ITPR1: variants seen among roughly 807,000 people sequenced by gnomAD.
ITPR1 encodes the protein inositol 1,4,5-trisphosphate receptor type 1.
Under a neutral mutation model 318.4 loss-of-function variants are expected in ITPR1, and 96 were observed. The observed-to-expected ratio is 0.30, with a 90% CI of 0.26 to 0.36. The LOEUF is 0.36. Ranked by LOEUF, ITPR1 falls within the 10% of genes least tolerant of loss-of-function variation. The pLI, the probability that ITPR1 is intolerant of heterozygous loss-of-function variation, is 1.00. For synonymous variants in ITPR1, 1,312 were observed against 1,289.9 expected (o/e 1.02, Z -0.37); for missense variants, 2,440 against 3,460.2 (o/e 0.71, Z 7.40).
At chr3:4,671,728 A>C (rs554838090) in intron 20 of ITPR1, 3 of 152,234 alleles carry the variant, frequency 2.0e-5, no homozygotes, top group African/African-American at 7.2e-5. Flanking sequence ...GAAAGGGAAG[A>C]TAAAGCAAGG....
intron 4 of ITPR1, among the ~76,000 whole-genome samples, chr3:4,550,556 A>G (rs2085465614): frequency 6.6e-6 from 1 of 152,228 alleles, no homozygotes; most frequent in African/African-American, 2.4e-5. Context: ...TAATTAGGCC[A>G]GTTATCTCCA....
At chr3:4,621,241 C>T (rs2092619172) in intron 4 of ITPR1, among the ~76,000 whole-genome samples, 1 of 152,130 alleles carries the variant, frequency 6.6e-6, no homozygotes, top group Non-Finnish European at 1.5e-5. Context: ...CTGGCATCTG[C>T]TTGGCTTCTA....
At chr3:4,708,635 C>T (rs1355241840) in intron 37 of ITPR1, among the ~76,000 whole-genome samples, 5 of 152,208 alleles carry the variant, frequency 3.3e-5, no homozygotes, top group South Asian at 4.1e-4. Context: ...ATCAAACATG[C>T]TGGTTTCTTG....
chr3:4,639,363 A>G (rs776511701), intron 5 of ITPR1, 21 bp from the exon 6 acceptor site: 5 of 1,538,944 alleles, frequency 3.2e-6, no homozygotes, highest in African/African-American at 2.7e-5. Context: ...TTTGTGATCA[A>G]TCTTTCTTCT....
At chr3:4,845,702 T>C (rs2051717003) in intron 61 of ITPR1, among the ~76,000 whole-genome samples, 1 of 152,056 alleles carries the variant, frequency 6.6e-6, no homozygotes, top group African/African-American at 2.4e-5. Context: ...AAGAGAAAAA[T>C]CAGGACCCAC....
intron 4 of ITPR1, among the ~76,000 whole-genome samples, chr3:4,549,907 C>A (rs1033947704): frequency 6.6e-6 from 1 of 152,142 alleles, no homozygotes; most frequent in Non-Finnish European, 1.5e-5. Context: ...AAGAAAAGGA[C>A]GTGGATATGT....
chr3:4,630,760 G>A (rs1040719523), intron 5 of ITPR1, among the ~76,000 whole-genome samples: 2 of 151,658 alleles, frequency 1.3e-5, no homozygotes, highest in African/African-American at 4.8e-5. Flanking sequence ...TAATTTTTTT[G>A]TAGTTTTAGT....
At chr3:4,531,314 A>G (rs959621641) in intron 4 of ITPR1, among the ~76,000 whole-genome samples, 1 of 152,188 alleles carries the variant, frequency 6.6e-6, no homozygotes, top group Non-Finnish European at 1.5e-5. Flanking sequence ...TCCATTCGAT[A>G]TTGAATGATG....
At chr3:4,629,606 C>A (rs1022177473) in intron 5 of ITPR1, among the ~76,000 whole-genome samples, 10 of 152,154 alleles carry the variant, frequency 6.6e-5, no homozygotes, top group African/African-American at 2.4e-4. Context: ...GAAATAATTA[C>A]TGAATAATGA....
intron 54 of ITPR1, among the ~76,000 whole-genome samples, chr3:4,804,097 C>CCTGGATTG (rs1226611133): frequency 2.6e-5 from 4 of 152,230 alleles, no homozygotes; most frequent in African/African-American, 9.6e-5. Flanking sequence ...GTCGCGAACT[C>CCTGGATTG]CTGAGCTCAG....
intron 41 of ITPR1, among the ~76,000 whole-genome samples, chr3:4,726,266 G>A (rs1444927064): frequency 1.3e-5 from 2 of 151,708 alleles, no homozygotes; most frequent in Non-Finnish European, 2.9e-5. Context: ...CTGACCTCAG[G>A]TGATCCACCC....
chr3:4,818,347 C>T (rs1391424929), intron 60 of ITPR1, 105 bp downstream of exon 60: 1 of 881,818 alleles, frequency 1.1e-6, no homozygotes, highest in African/African-American at 1.7e-5. Flanking sequence ...AGAATAACAT[C>T]CGATGTTGCC....
chr3:4,684,138 G>A (rs1468139387), intron 28 of ITPR1, 143 bp from the exon 29 acceptor site: 1 of 656,416 alleles, frequency 1.5e-6, no homozygotes, highest in African/African-American at 1.8e-5. Context: ...CAAGTAGGTA[G>A]ATGACTGGGG....
intron 10 of ITPR1, 87 bp downstream of exon 10, chr3:4,645,815 C>A: frequency 8.4e-7 from 1 of 1,193,598 alleles, no homozygotes; most frequent in Non-Finnish European, 1.2e-6. Context: ...TACAAATATT[C>A]ATACATACAT....
intron 13 of ITPR1, among the ~76,000 whole-genome samples, chr3:4,659,836 A>G (rs148424429): frequency 0.018 from 2,791 of 152,250 alleles, 77 homozygotes; most frequent in African/African-American, 0.062. Context: ...AGGTATTCAT[A>G]TGTAATATGT....
intron 42 of ITPR1, among the ~76,000 whole-genome samples, chr3:4,731,187 A>G (rs1480193780): frequency 2.0e-5 from 3 of 152,210 alleles, no homozygotes; most frequent in African/African-American, 4.8e-5. Context: ...TACTTCTCTT[A>G]TGAAGTCAGC....
chr3:4,645,426 C>A lies in ITPR1; in HGVS notation c.664C>A (p.Leu222Ile), dbSNP rs2093431758. Residue 222 changes from leucine (L) to isoleucine (I), a missense_variant, in exon 9 of 62, where the codon CTT (leucine) becomes ATT (isoleucine). Physicochemically the swap from Leu to Ile is conservative, Grantham distance 5 (BLOSUM62 2). Around this residue, in one of 23 missense-constraint regions of ITPR1, gnomAD observed 186 missense variants for 323.9 expected, o/e 0.57. Transcript: ENST00000649015. The part of the protein sequence containing the change: ...VNCNTSWKIV[L>I]FMKWSDNKDD... The stretch of plus-strand genomic sequence containing the variant: ...CTGCAATACAAGCTGGAAAATAGTC[C>A]TTTTCATGAAATGGAGTGATAACAA... The A allele has an allele frequency of 6.2e-7, 1 of 1,613,510 alleles. No individual in the cohort carries two copies. Among genetic ancestry groups the A allele is most frequent in the African/African-American group, 1.3e-5 (1 of 74,998 alleles).
intron 4 of ITPR1, among the ~76,000 whole-genome samples, chr3:4,599,917 T>C (rs1054080554): frequency 1.3e-5 from 2 of 152,186 alleles, no homozygotes; most frequent in Admixed American, 6.5e-5. Flanking sequence ...CACCACAGGA[T>C]AATGAAGATC....
At chr3:4,792,156 C>T (rs2047599541) in intron 52 of ITPR1, among the ~76,000 whole-genome samples, 1 of 152,144 alleles carries the variant, frequency 6.6e-6, no homozygotes, top group East Asian at 1.9e-4. Flanking sequence ...TTCCCTCTCT[C>T]ACTCTCTCAC....
Sources: gnomAD v4.1 joint callset for allele counts (sites outside exome capture counted in the v4.1 genomes callset) on GRCh38, gnomAD v4.1.1 for gene constraint, gnomAD v4.1.1 regional missense constraint, MANE v1.5 for transcripts, NCBI Gene and HGNC (gene_info 2026-07-23, HGNC 2026-07-21) for gene names.